Variants in SORCS3 observed in about 807,000 individuals in gnomAD.
SORCS3 encodes VPS10 domain-containing receptor SorCS3.
Under a neutral mutation model 146.3 loss-of-function variants are expected in SORCS3, and 57 were observed. That is an observed-to-expected ratio of 0.39 (90% CI 0.31 to 0.49). SORCS3 has a LOEUF of 0.49. Among genes scored for constraint, SORCS3 ranks in the 20% least tolerant of loss-of-function variants. The pLI is 0.92. For synonymous variants in SORCS3, 653 were observed against 618.5 expected (o/e 1.06, Z -0.83); for missense variants, 1,341 against 1,575.5 (o/e 0.85, Z 2.52).
At position 104,872,919 on chromosome 10, in the gene SORCS3, G is replaced by T. The variant is rs889187436; in HGVS notation, c.695+30060G>T. Among the ~76,000 whole-genome samples the T allele has an allele frequency of 5.9e-5, 9 of 152,332 alleles. No individual in the cohort carries two copies. In the South Asian group the frequency reaches 1.9e-3, roughly 32 times the overall value. ...GCATCATCATTTGCCATGCGTGAAAGCTTATGGCTGGAAGGACTGATATGC... is the reference window on the plus strand; with the variant it reads ...GCATCATCATTTGCCATGCGTGAAATCTTATGGCTGGAAGGACTGATATGC... On this transcript the variant is annotated intron_variant, in intron 2 of 26. Coordinates refer to ENST00000369701, the MANE Select transcript of SORCS3 (RefSeq NM_014978.3).
intron 1 of SORCS3, among the ~76,000 whole-genome samples, chr10:104,755,317 T>G (rs2017037996): frequency 6.6e-6 from 1 of 152,188 alleles, no homozygotes; most frequent in South Asian, 2.1e-4. Context: ...AGTCACTCAT[T>G]CATACATTCA....
chr10:105,033,163 T>C (rs940943665), intron 4 of SORCS3, among the ~76,000 whole-genome samples: 1 of 152,178 alleles, frequency 6.6e-6, no homozygotes, highest in Non-Finnish European at 1.5e-5. Context: ...ATTGTGGAAA[T>C]GATTTGTAAA....
intron 20 of SORCS3, among the ~76,000 whole-genome samples, chr10:105,234,217 C>T (rs1323785495): frequency 6.6e-6 from 1 of 152,022 alleles, no homozygotes; most frequent in Non-Finnish European, 1.5e-5. Flanking sequence ...TTCTTGCTTA[C>T]ATGGTTTCTG....
intron 2 of SORCS3, among the ~76,000 whole-genome samples, chr10:104,903,541 G>A (rs1564709823): frequency 6.6e-6 from 1 of 152,110 alleles, no homozygotes; most frequent in Admixed American, 6.6e-5. Flanking sequence ...GAGGAGATTC[G>A]CGACTGGGCA....
chr10:105,185,727 G>A (rs2056471330), intron 14 of SORCS3, among the ~76,000 whole-genome samples: 1 of 151,898 alleles, frequency 6.6e-6, no homozygotes, highest in African/African-American at 2.4e-5. Flanking sequence ...AAATATACAG[G>A]AAATCCTAGA....
chr10:104,947,646 G>T (rs549676224), intron 3 of SORCS3, among the ~76,000 whole-genome samples: 6 of 152,266 alleles, frequency 3.9e-5, no homozygotes, highest in Admixed American at 2.6e-4. Context: ...GTTTTGAGAT[G>T]CAGTCTTTCT....
At chr10:105,089,731 A>G (rs367623695) in intron 5 of SORCS3, 44 bp from the exon 6 acceptor site, 10 of 1,537,172 alleles carry the variant, frequency 6.5e-6, no homozygotes, top group East Asian at 2.3e-5. Context: ...GCTGTCTGCT[A>G]TCGGTGTTGT....
At chr10:105,194,415 G>A (rs2056533507) in intron 14 of SORCS3, among the ~76,000 whole-genome samples, 1 of 152,106 alleles carries the variant, frequency 6.6e-6, no homozygotes. Context: ...CACATGTTGG[G>A]GGTTTGATTA....
At chr10:105,256,961 G>A (rs1488700849) in intron 25 of SORCS3, 37 bp downstream of exon 25, 1 of 1,427,352 alleles carries the variant, frequency 7.0e-7, no homozygotes, top group Non-Finnish European at 9.9e-7. Flanking sequence ...TAGTGGGGTT[G>A]GGGTCATTGC....
intron 1 of SORCS3, among the ~76,000 whole-genome samples, chr10:104,655,433 T>C (rs1399233758): frequency 1.3e-5 from 2 of 152,128 alleles, no homozygotes; most frequent in Non-Finnish European, 2.9e-5. Flanking sequence ...TAGCCAGCAT[T>C]GTCTGTTGTT....
chr10:105,002,969 C>G (rs2055071155), intron 4 of SORCS3, among the ~76,000 whole-genome samples: 1 of 152,110 alleles, frequency 6.6e-6, no homozygotes, highest in Admixed American at 6.5e-5. Context: ...TGACAACTAC[C>G]CTACTAGGTA....
intron 16 of SORCS3, among the ~76,000 whole-genome samples, chr10:105,207,215 A>G (rs904889693): frequency 6.6e-6 from 1 of 151,842 alleles, no homozygotes; most frequent in African/African-American, 2.4e-5. Flanking sequence ...CAGTCTACCA[A>G]CTTAGGAGAC....
chr10:104,982,653 C>T (rs1287364298), intron 4 of SORCS3, among the ~76,000 whole-genome samples: 3 of 152,198 alleles, frequency 2.0e-5, no homozygotes, highest in Non-Finnish European at 4.4e-5. Context: ...TCTAGCTCTG[C>T]TCACCTACAG....
chr10:104,807,971 T>C (rs183444546), intron 1 of SORCS3, among the ~76,000 whole-genome samples: 1 of 152,356 alleles, frequency 6.6e-6, no homozygotes, highest in Admixed American at 6.5e-5. Context: ...TTTAAATGTA[T>C]ATTATGGTGT....
At chr10:105,215,301 C>T (rs1240368731) in intron 18 of SORCS3, among the ~76,000 whole-genome samples, 1 of 152,164 alleles carries the variant, frequency 6.6e-6, no homozygotes, top group East Asian at 1.9e-4. Flanking sequence ...GCACTCTTTG[C>T]TGAGTGGTAG....
intron 5 of SORCS3, among the ~76,000 whole-genome samples, chr10:105,066,077 A>G (rs2055520890): frequency 6.6e-6 from 1 of 152,168 alleles, no homozygotes; most frequent in African/African-American, 2.4e-5. Context: ...TCCCTTGGGT[A>G]AACACTGTGC....
At chr10:105,103,624 G>C (rs981941513) in intron 6 of SORCS3, among the ~76,000 whole-genome samples, 1 of 152,290 alleles carries the variant, frequency 6.6e-6, no homozygotes, top group East Asian at 1.9e-4. Context: ...GAATTGTCAA[G>C]GATTGGGAAC....
intron 4 of SORCS3, among the ~76,000 whole-genome samples, chr10:104,992,338 T>C (rs1040875201): frequency 2.0e-5 from 3 of 151,900 alleles, no homozygotes; most frequent in Non-Finnish European, 2.9e-5. Context: ...GGGATCAGAG[T>C]CTAAAAGAAG....
At chr10:104,871,908 G>T (rs1219056325) in intron 2 of SORCS3, among the ~76,000 whole-genome samples, 1 of 152,020 alleles carries the variant, frequency 6.6e-6, no homozygotes, top group Non-Finnish European at 1.5e-5. Context: ...TTACCCCTTT[G>T]CGTCTTATTT....
Sources: gnomAD v4.1 joint callset for allele counts (sites outside exome capture counted in the v4.1 genomes callset) on GRCh38, gnomAD v4.1.1 for gene constraint, MANE v1.5 for transcripts, NCBI Gene and HGNC (gene_info 2026-07-23, HGNC 2026-07-21) for gene names.